RAD51B: variants seen among roughly 807,000 people sequenced by gnomAD.
RAD51B encodes the protein RAD51 paralog B.
In RAD51B, 38 loss-of-function variants were observed where a neutral mutation model predicts 42.2. That is an observed-to-expected ratio of 0.90 (90% CI 0.70 to 1.18). The LOEUF is 1.18. Ranked by LOEUF, RAD51B falls within the 50% of genes most tolerant of loss-of-function variation. The pLI, the probability that RAD51B is intolerant of heterozygous loss-of-function variation, is 0.00. For synonymous variants in RAD51B, 154 were observed against 145.2 expected, an observed-to-expected ratio of 1.06 and a Z score of -0.43; for missense variants, 373 against 400.7, an observed-to-expected ratio of 0.93 and a Z score of 0.59.
intron 7 of RAD51B, among the ~76,000 whole-genome samples, chr14:68,286,577 C>A (rs1028044011): frequency 2.0e-5 from 3 of 152,186 alleles, no homozygotes; most frequent in Admixed American, 6.5e-5. Context: ...CAGTGCTATC[C>A]AATTTTCTCT....
chr14:68,021,085 T>C (rs1329424165), intron 7 of RAD51B, among the ~76,000 whole-genome samples: 1 of 152,234 alleles, frequency 6.6e-6, no homozygotes, highest in African/African-American at 2.4e-5. Context: ...GACCTTACAC[T>C]GTGTCTGCCT....
intron 7 of RAD51B, among the ~76,000 whole-genome samples, chr14:68,187,274 T>C (rs1274236054): frequency 6.6e-6 from 1 of 152,046 alleles, no homozygotes; most frequent in African/African-American, 2.4e-5. Context: ...AGTACCTAAA[T>C]AAGGGGATCA....
intron 11 of RAD51B, among the ~76,000 whole-genome samples, chr14:68,674,748 T>C (rs1412817895): frequency 1.3e-5 from 2 of 152,150 alleles, no homozygotes; most frequent in Admixed American, 1.3e-4. Context: ...ATGTGTGTAA[T>C]GGGGCATATG....
At chr14:67,844,634 T>A (rs2041549324) in intron 4 of RAD51B, among the ~76,000 whole-genome samples, 1 of 148,938 alleles carries the variant, frequency 6.7e-6, no homozygotes, top group Non-Finnish European at 1.5e-5. Context: ...ATTTTTTTTA[T>A]TATAGTTTAA....
chr14:67,833,202 C>A (rs1046159251), intron 3 of RAD51B, among the ~76,000 whole-genome samples: 1 of 152,090 alleles, frequency 6.6e-6, no homozygotes, highest in Non-Finnish European at 1.5e-5. Context: ...ATGGCAAAAC[C>A]CCGTCTCTAC....
intron 9 of RAD51B, among the ~76,000 whole-genome samples, chr14:68,439,789 A>C (rs2085241062): frequency 6.6e-6 from 1 of 152,218 alleles, no homozygotes; most frequent in Non-Finnish European, 1.5e-5. Context: ...GCTGGAAATA[A>C]TGTCTCATGG....
At chr14:68,068,897 T>C (rs1456935456) in intron 7 of RAD51B, among the ~76,000 whole-genome samples, 1 of 152,204 alleles carries the variant, frequency 6.6e-6, no homozygotes, top group African/African-American at 2.4e-5. Context: ...CTTAGCAAGA[T>C]TCACTCATTT....
rs780752649 is a variant in RAD51B, at chr14:67,864,780, C to T, written c.316-223C>T. ...GATTTGAGTGACTATTTTCTCAATTCCTCCAAGGATGGTACATAACTAGTG... is the reference window on the plus strand; with the variant it reads ...GATTTGAGTGACTATTTTCTCAATTTCTCCAAGGATGGTACATAACTAGTG... On this transcript the variant is annotated intron_variant, in intron 4 of 10. Transcript: ENST00000471583. 4.1e-6 allele frequency: 3 copies of T among 727,034 alleles called. No individual in the cohort carries two copies. In the South Asian group the frequency reaches 4.4e-5, roughly 11 times the overall value. 45.0% of individuals were successfully genotyped at this position (727,034 alleles called of 1,614,324 possible).
chr14:68,354,287 G>A (rs901137750), intron 8 of RAD51B, among the ~76,000 whole-genome samples: 5 of 146,132 alleles, frequency 3.4e-5, no homozygotes, highest in African/African-American at 1.3e-4. Context: ...CACGATTTCG[G>A]CTCACGGCAA....
rs916146239 is a variant in RAD51B, at chr14:68,371,766, G to A, written c.854-39658G>A. On this transcript the variant is annotated intron_variant, in intron 8 of 10. Transcript: ENST00000471583. The stretch of plus-strand genomic sequence containing the variant: ...CTTGGGGGGCTGAGGTGGGAGAATG[G>A]CTTGGGCCTGGAAGGCCAAGGCTAC... 2.9e-4 allele frequency among the ~76,000 whole-genome samples: 44 copies of A among 152,370 alleles called. 1 individual carries two copies. Among genetic ancestry groups the A allele is most frequent in the African/African-American group, 1.0e-3 (43 of 41,594 alleles).
intron 7 of RAD51B, among the ~76,000 whole-genome samples, chr14:68,130,826 C>T (rs1057078686): frequency 6.6e-6 from 1 of 152,072 alleles, no homozygotes; most frequent in African/African-American, 2.4e-5. Context: ...ATCAAGTAAG[C>T]CTCCATAATC....
rs188701468 is a variant in RAD51B, at chr14:68,037,040, C to T, written c.756+149836C>T. The stretch of plus-strand genomic sequence containing the variant: ...AGGAATTGTTACCCTCCCTCCCCCC[C>T]TCCCTTCCTTCCTTCCTTCCTCCCT... On this transcript the variant is annotated intron_variant, in intron 7 of 10. Coordinates refer to ENST00000471583, the MANE Select transcript of RAD51B (RefSeq NM_133510.4). 1.6e-3 allele frequency among the ~76,000 whole-genome samples: 173 copies of T among 108,292 alleles called. 1 individual carries two copies. The East Asian group carries it at 0.038, about 24-fold the overall frequency. 71.0% of individuals were successfully genotyped at this position (108,292 alleles called of 152,430 possible). A position where few individuals can be genotyped will look rare whatever the true frequency, so the allele number is the denominator to read the frequency against.
chr14:68,532,019 AAT>A (rs1887340994), intron 10 of RAD51B, among the ~76,000 whole-genome samples: 1 of 152,188 alleles, frequency 6.6e-6, no homozygotes, highest in Non-Finnish European at 1.5e-5. Context: ...AACAATAGAG[AAT>A]ATATGTTCTT....
At chr14:67,923,890 T>C (rs1248915634) in intron 7 of RAD51B, among the ~76,000 whole-genome samples, 3 of 152,212 alleles carry the variant, frequency 2.0e-5, no homozygotes, top group Non-Finnish European at 4.4e-5. Flanking sequence ...CAATATCTAT[T>C]ATACTTTGAT....
chr14:67,882,420 T>G (rs1320890743), intron 5 of RAD51B, among the ~76,000 whole-genome samples: 1 of 152,212 alleles, frequency 6.6e-6, no homozygotes, highest in Non-Finnish European at 1.5e-5. Context: ...ACCTTTTCTC[T>G]TCTATATCTG....
At chr14:68,066,901 G>A (rs1318546344) in intron 7 of RAD51B, among the ~76,000 whole-genome samples, 1 of 152,150 alleles carries the variant, frequency 6.6e-6, no homozygotes, top group Non-Finnish European at 1.5e-5. Flanking sequence ...GATGTGAAAT[G>A]ACATTCAAAA....
chr14:67,905,890 C>T (rs189498548), intron 7 of RAD51B, among the ~76,000 whole-genome samples: 2 of 152,016 alleles, frequency 1.3e-5, no homozygotes, highest in Admixed American at 6.6e-5. Flanking sequence ...GTCTGGATGC[C>T]GTTTATTTCT....
At chr14:67,865,208 C>A in intron 5 of RAD51B, 69 bp downstream of exon 5, 3 of 1,297,248 alleles carry the variant, frequency 2.3e-6, no homozygotes, top group Non-Finnish European at 3.0e-6. Context: ...AACATTTACA[C>A]ATAGGTTAAC....
At chr14:68,516,332 T>C (rs186635972) in intron 10 of RAD51B, among the ~76,000 whole-genome samples, 2 of 152,360 alleles carry the variant, frequency 1.3e-5, no homozygotes, top group East Asian at 3.9e-4. Context: ...TAACATTTTA[T>C]TATAAAAATA....
Sources: allele counts gnomAD v4.1 joint callset (sites outside exome capture counted in the v4.1 genomes callset), GRCh38; gene constraint gnomAD v4.1.1; transcripts MANE v1.5; gene names NCBI Gene and HGNC (gene_info 2026-07-23, HGNC 2026-07-21).